Variants in POLR1D observed in about 807,000 individuals in gnomAD.
POLR1D encodes RNA polymerase I and III subunit D, also known as DNA-directed RNA polymerases I and III subunit RPAC2.
POLR1D carries 8 observed loss-of-function variants against 10.8 expected under a neutral mutation model. That is an observed-to-expected ratio of 0.74 (90% CI 0.43 to 1.33). The LOEUF (loss-of-function observed/expected upper bound fraction) is 1.33, where lower values mean the gene tolerates loss of function less well. Ranked by LOEUF, POLR1D falls within the 40% of genes most tolerant of loss-of-function variation. POLR1D has a pLI of 0.01. For missense variants in POLR1D, 152 were observed against 161.7 expected, an observed-to-expected ratio of 0.94 and a Z score of 0.32; for synonymous variants, 54 against 57.2, an observed-to-expected ratio of 0.94 and a Z score of 0.25.
At chr13:27,632,734 A>G (rs929010402) in intron 1 of POLR1D, among the ~76,000 whole-genome samples, 10 of 146,598 alleles carry the variant, frequency 6.8e-5, no homozygotes, top group Non-Finnish European at 1.3e-4. Flanking sequence ...TATTATATTC[A>G]TTATATATTG....
intron 1 of POLR1D, among the ~76,000 whole-genome samples, chr13:27,643,552 T>C (rs74588013): frequency 1.3e-5 from 2 of 152,150 alleles, no homozygotes; most frequent in Non-Finnish European, 2.9e-5. Context: ...CTACTGGCAG[T>C]GTGAACCTAT....
intron 1 of POLR1D, among the ~76,000 whole-genome samples, chr13:27,629,518 A>G (rs1956052464): frequency 6.6e-6 from 1 of 152,212 alleles, no homozygotes; most frequent in Non-Finnish European, 1.5e-5. Context: ...CTTCATGTGA[A>G]AACTTTGAAA....
At chr13:27,659,604 T>C (rs1221993184) in intron 2 of POLR1D, among the ~76,000 whole-genome samples, 2 of 152,208 alleles carry the variant, frequency 1.3e-5, no homozygotes, top group Non-Finnish European at 2.9e-5. Flanking sequence ...CAATGCTTAC[T>C]GCCCCTGCTT....
intron 2 of POLR1D, chr13:27,650,811 G>T (rs562146545): frequency 6.6e-6 from 1 of 152,162 alleles, no homozygotes; most frequent in Non-Finnish European, 1.5e-5. Context: ...GTTAAAATCT[G>T]TAAGGTCATA....
chr13:27,637,335 G>C (rs1464510362), intron 1 of POLR1D, among the ~76,000 whole-genome samples: 1 of 152,108 alleles, frequency 6.6e-6, no homozygotes, highest in East Asian at 1.9e-4. Context: ...TTCCTCCTGT[G>C]CTGTTGAATT....
exon 3 of POLR1D, chr13:27,666,971 C>G (rs995283093): frequency 5.3e-5 from 8 of 152,190 alleles, no homozygotes; most frequent in African/African-American, 1.7e-4. Context: ...GCCTGGCTGT[C>G]CTCAGATCAT....
At chr13:27,655,778 G>A (rs113262720) in intron 2 of POLR1D, among the ~76,000 whole-genome samples, 61 of 152,172 alleles carry the variant, frequency 4.0e-4, no homozygotes, top group African/African-American at 1.4e-3. Context: ...TATGAGATTC[G>A]TGTAAGACTA....
chr13:27,655,389 A>G (rs1956299271), intron 2 of POLR1D, among the ~76,000 whole-genome samples: 2 of 152,328 alleles, frequency 1.3e-5, no homozygotes, highest in East Asian at 3.9e-4. Context: ...TACCATATCA[A>G]TGAAATTAAT....
downstream of POLR1D, among the ~76,000 whole-genome samples, chr13:27,624,926 AAGC>A (rs1345041970): frequency 6.6e-6 from 1 of 152,134 alleles, no homozygotes; most frequent in Non-Finnish European, 1.5e-5. Context: ...AATTCTGTAA[AAGC>A]AGCAAATGTA....
At chr13:27,653,959 A>T (rs1038669450) in intron 2 of POLR1D, among the ~76,000 whole-genome samples, 3 of 152,336 alleles carry the variant, frequency 2.0e-5, no homozygotes, top group African/African-American at 7.2e-5. Context: ...CAGAAAGTTT[A>T]ACAAAGCCAG....
chr13:27,625,270 G>C (rs9507914), downstream of POLR1D, among the ~76,000 whole-genome samples: 3 of 152,098 alleles, frequency 2.0e-5, no homozygotes, highest in African/African-American at 7.2e-5. Context: ...ATTACAGAGT[G>C]GGGGGAGATG....
chr13:27,653,293 T>C (rs1956282622), intron 2 of POLR1D, among the ~76,000 whole-genome samples: 1 of 152,102 alleles, frequency 6.6e-6, no homozygotes, highest in African/African-American at 2.4e-5. Flanking sequence ...TTTTTTTTCA[T>C]AGGCAGTTGC....
chr13:27,648,279 A>C, intron 1 of POLR1D: 2 of 817,440 alleles, frequency 2.4e-6, no homozygotes, highest in Middle Eastern at 4.6e-4. Context: ...ATCATGCTTC[A>C]AAAGTTAGTT....
intron 2 of POLR1D, among the ~76,000 whole-genome samples, chr13:27,658,268 AGAATGATACCAG>A (rs1198921619): frequency 1.1e-4 from 17 of 152,266 alleles, no homozygotes; most frequent in African/African-American, 4.1e-4. Context: ...TTTATTAAAA[AGAATGATACCAG>A]CCTGCTCTGC....
chr13:27,658,098 T>G (rs1262151459), intron 2 of POLR1D, among the ~76,000 whole-genome samples: 1 of 152,220 alleles, frequency 6.6e-6, no homozygotes, highest in East Asian at 1.9e-4. Context: ...ATCTGCACAT[T>G]TGGAATCACC....
chr13:27,653,039 C>T (rs1343502237), intron 2 of POLR1D, among the ~76,000 whole-genome samples: 3 of 146,560 alleles, frequency 2.0e-5, no homozygotes, highest in African/African-American at 5.1e-5. Context: ...GCTGGGATTA[C>T]AGGTGCCCAC....
At chr13:27,624,798 G>C (rs1198443990), downstream of POLR1D, among the ~76,000 whole-genome samples, 1 of 152,094 alleles carries the variant, frequency 6.6e-6, no homozygotes, top group African/African-American at 2.4e-5. Flanking sequence ...TGAGGCGAGA[G>C]GATATCTTGA....
At chr13:27,648,312 G>A in intron 1 of POLR1D, 1 of 1,056,600 alleles carries the variant, frequency 9.5e-7, no homozygotes, top group Non-Finnish European at 1.5e-6. Context: ...TCATGGACCT[G>A]GAATGAATTG....
chr13:27,655,757 A>G (rs951731412), intron 2 of POLR1D, among the ~76,000 whole-genome samples: 2 of 152,186 alleles, frequency 1.3e-5, no homozygotes, highest in Admixed American at 6.5e-5. Flanking sequence ...ATGTAAATTT[A>G]TAGTAATTAG....
Sources: allele counts gnomAD v4.1 joint callset (sites outside exome capture counted in the v4.1 genomes callset), GRCh38; gene constraint gnomAD v4.1.1; transcripts MANE v1.5; gene names NCBI Gene and HGNC (gene_info 2026-07-23, HGNC 2026-07-21).